Variants in TAFA1 observed in about 807,000 individuals in gnomAD.
The protein encoded by TAFA1 is chemokine-like protein TAFA-1.
TAFA1 carries 4 observed loss-of-function variants against 18.5 expected under a neutral mutation model. That is an observed-to-expected ratio of 0.22 (90% CI 0.11 to 0.49). The LOEUF is 0.49. Among genes scored for constraint, TAFA1 ranks in the 20% least tolerant of loss-of-function variants. The pLI is 0.98. For synonymous variants in TAFA1, 56 were observed against 55.2 expected, an observed-to-expected ratio of 1.01 and a Z score of -0.06; for missense variants, 147 against 169.0, an observed-to-expected ratio of 0.87 and a Z score of 0.72.
intron 2 of TAFA1, among the ~76,000 whole-genome samples, chr3:68,149,737 T>C (rs1402686044): frequency 2.0e-5 from 3 of 152,182 alleles, no homozygotes; most frequent in Non-Finnish European, 4.4e-5. Flanking sequence ...CAACATGATA[T>C]TTGGGAGGAC....
At chr3:68,224,765 A>G (rs955682274) in intron 2 of TAFA1, among the ~76,000 whole-genome samples, 2 of 152,110 alleles carry the variant, frequency 1.3e-5, no homozygotes, top group African/African-American at 2.4e-5. Context: ...CTTTTAGCTC[A>G]TATAAATAGT....
intron 4 of TAFA1, 37 bp downstream of exon 4, chr3:68,538,917 C>T (rs1287830719): frequency 1.9e-6 from 3 of 1,608,142 alleles, no homozygotes; most frequent in South Asian, 1.1e-5. Context: ...TTGGATGTTA[C>T]AGACTGTACT....
chr3:68,410,409 A>G (rs1241594109), intron 2 of TAFA1, among the ~76,000 whole-genome samples: 1 of 152,136 alleles, frequency 6.6e-6, no homozygotes, highest in African/African-American at 2.4e-5. Flanking sequence ...ATCGGTGTGC[A>G]TTAGCCAGAT....
chr3:68,144,995 G>T lies in TAFA1; in HGVS notation c.118+138251G>T, dbSNP rs17174156. 1.8e-5 allele frequency: 27 copies of T among 1,506,776 alleles called. No individual in the cohort carries two copies. In the East Asian group the frequency reaches 5.0e-4, roughly 28 times the overall value. 93.3% of individuals were successfully genotyped at this position (1,506,776 alleles called of 1,614,324 possible). On this transcript the variant is annotated intron_variant, in intron 2 of 4. Transcript: ENST00000478136. The stretch of plus-strand genomic sequence containing the variant: ...TCAAGATGCCTAGGCCCGGAGACCG[G>T]CCGTGAAGATGCCAGTGGCGGTGAT...
intron 2 of TAFA1, among the ~76,000 whole-genome samples, chr3:68,308,544 C>T (rs532518485): frequency 4.6e-5 from 7 of 152,062 alleles, no homozygotes; most frequent in Non-Finnish European, 1.0e-4. Flanking sequence ...AATTGCACCA[C>T]TGGAGCCACA....
At chr3:68,477,414 G>C (rs150744481) in intron 3 of TAFA1, among the ~76,000 whole-genome samples, 5 of 151,892 alleles carry the variant, frequency 3.3e-5, no homozygotes, top group Admixed American at 2.0e-4. Flanking sequence ...TGCTTTTGTC[G>C]CCCAGGCTGG....
At chr3:68,522,877 AC>A (rs1158071336) in intron 3 of TAFA1, among the ~76,000 whole-genome samples, 1 of 151,918 alleles carries the variant, frequency 6.6e-6, no homozygotes, top group Non-Finnish European at 1.5e-5. Flanking sequence ...GGAGTTCAAG[AC>A]CAGCCTGGCC....
upstream of TAFA1, among the ~76,000 whole-genome samples, chr3:67,999,287 C>CTCTCTCTGTGTGTGTGTGTG (rs1297823499): frequency 6.8e-6 from 1 of 147,662 alleles, no homozygotes; most frequent in Non-Finnish European, 1.5e-5. Context: ...CCCCCTCTCT[C>CTCTCTCTGTGTGTGTGTGTG]TGTGTGTGTG....
At chr3:68,509,429 G>A (rs1031683806) in intron 3 of TAFA1, among the ~76,000 whole-genome samples, 6 of 152,030 alleles carry the variant, frequency 3.9e-5, no homozygotes, top group Non-Finnish European at 5.9e-5. Flanking sequence ...CTCCTGAAAT[G>A]CAAAATTCCA....
At chr3:68,264,517 T>G (rs1326080837) in intron 2 of TAFA1, among the ~76,000 whole-genome samples, 2 of 152,144 alleles carry the variant, frequency 1.3e-5, no homozygotes, top group African/African-American at 2.4e-5. Context: ...CTTATAAAAT[T>G]TCAATGACAG....
intron 3 of TAFA1, among the ~76,000 whole-genome samples, chr3:68,438,616 C>A (rs776970201): frequency 4.6e-5 from 7 of 152,094 alleles, no homozygotes; most frequent in Non-Finnish European, 1.0e-4. Context: ...TTCAACGCAC[C>A]TTTCCACTCA....
At chr3:68,130,006 G>A (rs1045111602) in intron 2 of TAFA1, among the ~76,000 whole-genome samples, 6 of 152,210 alleles carry the variant, frequency 3.9e-5, no homozygotes, top group African/African-American at 1.4e-4. Context: ...ACTTCTTTGA[G>A]CAAAATTTTA....
intron 3 of TAFA1, among the ~76,000 whole-genome samples, chr3:68,479,918 G>A (rs897792714): frequency 1.3e-5 from 2 of 151,820 alleles, no homozygotes. Context: ...CACCACATTA[G>A]GGAGAAGCCC....
intron 2 of TAFA1, among the ~76,000 whole-genome samples, chr3:68,152,156 A>T (rs1595488): frequency 0.98 from 149,254 of 152,238 alleles, 73,244 homozygotes; most frequent in East Asian, 1. Flanking sequence ...TCTATATGAC[A>T]CAGAGCCCTG....
At chr3:68,013,248 A>AGT (rs2106781564) in intron 2 of TAFA1, among the ~76,000 whole-genome samples, 1 of 152,014 alleles carries the variant, frequency 6.6e-6, no homozygotes, top group South Asian at 2.1e-4. Context: ...CTTGTGTGTG[A>AGT]GTGTGTGTGT....
intron 2 of TAFA1, chr3:68,145,751 T>A (rs2065731758): frequency 4.9e-6 from 3 of 606,902 alleles, no homozygotes; most frequent in African/African-American, 3.7e-5. Context: ...TTCCTTACTA[T>A]GTGATAAAAT....
chr3:68,520,638 A>C (rs2106749824), intron 3 of TAFA1, among the ~76,000 whole-genome samples: 1 of 152,320 alleles, frequency 6.6e-6, no homozygotes, highest in Non-Finnish European at 1.5e-5. Context: ...CTGACACAGA[A>C]GTATGCTAGG....
At chr3:68,122,612 C>G (rs973492780) in intron 2 of TAFA1, among the ~76,000 whole-genome samples, 3 of 151,954 alleles carry the variant, frequency 2.0e-5, no homozygotes, top group African/African-American at 7.3e-5. Context: ...AATTCAATGT[C>G]AAGATAAACC....
intron 2 of TAFA1, among the ~76,000 whole-genome samples, chr3:68,238,585 A>G (rs954689985): frequency 2.0e-5 from 3 of 152,174 alleles, no homozygotes; most frequent in African/African-American, 7.2e-5. Flanking sequence ...AGGGTATTAA[A>G]TGGGACTGTT....
Sources: gnomAD v4.1 joint callset for allele counts (sites outside exome capture counted in the v4.1 genomes callset) on GRCh38, gnomAD v4.1.1 for gene constraint, MANE v1.5 for transcripts, NCBI Gene and HGNC (gene_info 2026-07-23, HGNC 2026-07-21) for gene names.